The following VPS53 variants were observed in gnomAD, a reference collection of about 807,000 sequenced individuals.
VPS53 encodes VPS53 subunit of GARP complex.
A neutral mutation model predicts 107.0 loss-of-function variants in VPS53; 70 were observed. The observed-to-expected ratio is 0.65, with a 90% CI of 0.54 to 0.80. VPS53 has a LOEUF of 0.80. Among genes scored for constraint, VPS53 ranks in the 30% least tolerant of loss-of-function variants. The pLI is 0.00. For missense variants in VPS53, 917 were observed against 1,049.4 expected, an observed-to-expected ratio of 0.87 and a Z score of 1.74; for synonymous variants, 409 against 393.3, an observed-to-expected ratio of 1.04 and a Z score of -0.47.
rs185333615 is a variant in VPS53 at position 707,721 on chromosome 17, A to T, written c.168+2812T>A. ...TTAAAACTTAGCTGTGTGTGGTGGC[A>T]TGCGCCTGTAGTCGCAGCTACTCAG... is the stretch of plus-strand genomic sequence containing the variant. On this transcript the variant is annotated intron_variant, in intron 2 of 21. Coordinates refer to ENST00000437048, the MANE Select transcript of VPS53 (RefSeq NM_001128159.3). Among the ~76,000 whole-genome samples, 146 of 151,834 alleles carry T rather than the reference A, an allele frequency of 9.6e-4. 1 individual carries two copies. The highest frequency in any genetic ancestry group is 3.4e-3 in the Middle Eastern group (1 of 292).
In VPS53 at chr17:697,480, G is replaced by T. The variant is rs138068150; in HGVS notation, c.223C>A (p.Leu75Met). The T allele has an allele frequency of 1.2e-6, 2 of 1,613,294 alleles. No individual in the cohort carries two copies. The highest frequency in any genetic ancestry group is 1.7e-6 in the Non-Finnish European group (2 of 1,179,254). ...ACAACAGTTCGAATATTGTCATCCA[G>T]TCTCCTAGCAAAACAGTTCAAGGAT... ...VNKIRLKIRR[L>M]DDNIRTVVRG... The change falls in exon 4 of 22, where the codon CTG becomes ATG. Residue 75 changes from leucine (L) to methionine (M), a missense_variant. Transcript: ENST00000437048.
intron 2 of VPS53, among the ~76,000 whole-genome samples, chr17:707,826 C>T (rs182639433): frequency 1.6e-5 from 2 of 121,756 alleles, no homozygotes; most frequent in East Asian, 4.7e-4. Flanking sequence ...ACCTGGGCAA[C>T]AGAGTAAAAC....
chr17:702,234 G>C (rs1187214909), intron 2 of VPS53, among the ~76,000 whole-genome samples: 1 of 152,056 alleles, frequency 6.6e-6, no homozygotes, highest in Non-Finnish European at 1.5e-5. Context: ...CACGCCTGTA[G>C]TACAATCTGC....
At chr17:612,089 TCA>T (rs1968908071) in intron 11 of VPS53, among the ~76,000 whole-genome samples, 1 of 151,674 alleles carries the variant, frequency 6.6e-6, no homozygotes, top group African/African-American at 2.4e-5. Context: ...CATAGTGAGT[TCA>T]CACAGTGAAA....
At chr17:560,110 T>C (rs1288025051) in intron 15 of VPS53, among the ~76,000 whole-genome samples, 2 of 152,252 alleles carry the variant, frequency 1.3e-5, no homozygotes, top group East Asian at 1.9e-4. Flanking sequence ...GACAAGCTTG[T>C]TACTGCTTTT....
At chr17:615,600 G>C (rs561750300) in intron 11 of VPS53, among the ~76,000 whole-genome samples, 1 of 152,204 alleles carries the variant, frequency 6.6e-6, no homozygotes, top group Non-Finnish European at 1.5e-5. Context: ...TACCTGTTTT[G>C]TGGCACCTTT....
chr17:542,649 T>C lies in VPS53; in HGVS notation c.1867-5473A>G, dbSNP rs1043242469. Among the ~76,000 whole-genome samples, 6 of 152,228 alleles carry C rather than the reference T, an allele frequency of 3.9e-5. No homozygotes were observed. The East Asian group carries it at 9.6e-4, about 24-fold the overall frequency. On this transcript the variant is annotated intron_variant, in intron 17 of 21. Transcript: ENST00000437048. ...ATTAATTCAGATATGTATCAATTAA[T>C]TGAAATTATGGTGATTTAAGTTTTA...
chr17:714,774 G>C lies in VPS53; in HGVS notation c.-65C>G, dbSNP rs1973789101. On this transcript the variant is annotated 5_prime_UTR_variant, in exon 1 of 22. Transcript: ENST00000437048. ...AACTCAGGCCTCCAGCCGCCACCCA[G>C]GCCCCAGCACAGCAACTCCCTCGCG... 6.3e-7 allele frequency: 1 copy of C among 1,581,282 alleles called. No homozygotes were observed. Among genetic ancestry groups the C allele is most frequent in the Non-Finnish European group, 8.7e-7 (1 of 1,151,908 alleles).
intron 13 of VPS53, among the ~76,000 whole-genome samples, chr17:577,456 C>A (rs892787811): frequency 6.6e-6 from 1 of 151,828 alleles, no homozygotes; most frequent in Non-Finnish European, 1.5e-5. Flanking sequence ...CCAACAGAAT[C>A]TCAGTGCATT....
At chr17:636,269 C>A (rs937645494) in intron 7 of VPS53, among the ~76,000 whole-genome samples, 4 of 152,134 alleles carry the variant, frequency 2.6e-5, no homozygotes, top group African/African-American at 7.2e-5. Flanking sequence ...CTGATTTTGT[C>A]TCCTGAGACT....
chr17:645,626 T>C (rs943900735), intron 7 of VPS53, among the ~76,000 whole-genome samples: 3 of 152,188 alleles, frequency 2.0e-5, no homozygotes, highest in Admixed American at 2.0e-4. Flanking sequence ...TTCTAAGAGT[T>C]TTAGAATTAG....
chr17:552,294 GAGA>G (rs1911894678), intron 16 of VPS53, among the ~76,000 whole-genome samples: 2 of 138,374 alleles, frequency 1.4e-5, no homozygotes, highest in Non-Finnish European at 1.7e-5. Context: ...AAACTAAGAA[GAGA>G]ATTTTGATTC....
chr17:621,250 C>T (rs1037549204), intron 11 of VPS53, among the ~76,000 whole-genome samples: 17 of 152,082 alleles, frequency 1.1e-4, no homozygotes, highest in African/African-American at 4.1e-4. Context: ...TGAGCTGCTG[C>T]GTCCGGCCCC....
chr17:705,787 C>T (rs1055926459), intron 2 of VPS53: 1 of 152,236 alleles, frequency 6.6e-6, no homozygotes, highest in Non-Finnish European at 1.5e-5. Context: ...ACCTGTAGTG[C>T]TAGCTACTGA....
At chr17:633,405 C>T (rs940348272) in intron 7 of VPS53, among the ~76,000 whole-genome samples, 3 of 152,160 alleles carry the variant, frequency 2.0e-5, no homozygotes, top group African/African-American at 4.8e-5. Flanking sequence ...CTTCCATTCT[C>T]GGTCTCCACC....
At chr17:588,663 A>G (rs1175442896) in intron 12 of VPS53, among the ~76,000 whole-genome samples, 1 of 152,206 alleles carries the variant, frequency 6.6e-6, no homozygotes, top group Non-Finnish European at 1.5e-5. Context: ...CCTAAGAATA[A>G]ATACAATCTG....
At chr17:573,991 T>C (rs888666669) in intron 13 of VPS53, among the ~76,000 whole-genome samples, 1 of 152,226 alleles carries the variant, frequency 6.6e-6, no homozygotes, top group Non-Finnish European at 1.5e-5. Context: ...GTGCATGATA[T>C]GGATTTTTTT....
At chr17:530,143 CTTTT>C (rs35030075) in intron 19 of VPS53, among the ~76,000 whole-genome samples, 4 of 127,264 alleles carry the variant, frequency 3.1e-5, no homozygotes, top group Non-Finnish European at 5.0e-5. Flanking sequence ...AATTTATATT[CTTTT>C]TTTTTTTTTT....
rs8071073 is a variant in VPS53 at position 662,799 on chromosome 17, A to G, written c.286-904T>C. Among the ~76,000 whole-genome samples, 70 of 140,752 alleles carry G rather than the reference A, an allele frequency of 5.0e-4. 1 individual carries two copies. The highest frequency in any genetic ancestry group is 1.7e-3 in the African/African-American group (64 of 38,736). 92.3% of individuals were successfully genotyped at this position (140,752 alleles called of 152,430 possible). On this transcript the variant is annotated intron_variant, in intron 4 of 21. Coordinates refer to ENST00000437048, the MANE Select transcript of VPS53 (RefSeq NM_001128159.3). ...AGAAAGAAAGAAAAAAAGAAAGAGA[A>G]AGAAAGAAAAAAAGAAAGAAAGAGA...
Sources: allele counts gnomAD v4.1 joint callset (sites outside exome capture counted in the v4.1 genomes callset), GRCh38; gene constraint gnomAD v4.1.1; transcripts MANE v1.5; gene names NCBI Gene and HGNC (gene_info 2026-07-23, HGNC 2026-07-21).